The following RICTOR variants were observed in gnomAD, a reference collection of about 807,000 sequenced individuals.
RICTOR encodes the protein RPTOR independent companion of MTOR complex 2, also known as rapamycin-insensitive companion of mTOR.
A neutral mutation model predicts 214.9 loss-of-function variants in RICTOR; 49 were observed. That is an observed-to-expected ratio of 0.23 (90% CI 0.18 to 0.29). The LOEUF (loss-of-function observed/expected upper bound fraction) is 0.29. Ranked by LOEUF, RICTOR falls within the 10% of genes least tolerant of loss-of-function variation. The pLI is 1.00. For missense variants in RICTOR, 1,625 were observed against 2,047.0 expected (o/e 0.79, Z 3.98); for synonymous variants, 717 against 711.3 (o/e 1.01, Z -0.13).
At chr5:39,027,104 A>G (rs1032553870) in intron 2 of RICTOR, among the ~76,000 whole-genome samples, 2 of 152,214 alleles carry the variant, frequency 1.3e-5, no homozygotes, top group African/African-American at 4.8e-5. Flanking sequence ...CAAAATGTCA[A>G]GAGATTTATT....
intron 19 of RICTOR, among the ~76,000 whole-genome samples, chr5:38,961,357 A>G (rs1041930169): frequency 6.6e-6 from 1 of 152,184 alleles, no homozygotes; most frequent in Non-Finnish European, 1.5e-5. Flanking sequence ...TATTGTTAAG[A>G]TAATAATTGT....
chr5:38,956,580 C>T (rs1254099231), intron 25 of RICTOR, among the ~76,000 whole-genome samples: 2 of 152,074 alleles, frequency 1.3e-5, no homozygotes, highest in Non-Finnish European at 2.9e-5. Context: ...AAGACCATTT[C>T]AAGTATCACA....
At chr5:38,995,455 C>A (rs936980165) in intron 6 of RICTOR, among the ~76,000 whole-genome samples, 1 of 151,910 alleles carries the variant, frequency 6.6e-6, no homozygotes, top group Non-Finnish European at 1.5e-5. Context: ...AGATTACATA[C>A]GGGGTACAGT....
At chr5:38,994,505 A>G (rs566866944) in intron 6 of RICTOR, among the ~76,000 whole-genome samples, 160 of 145,044 alleles carry the variant, frequency 1.1e-3, no homozygotes, top group Non-Finnish European at 1.7e-3. Context: ...TGGCCGATAG[A>G]GGCCACTGTT....
At chr5:38,982,741 C>G (rs1196809472) in intron 7 of RICTOR, among the ~76,000 whole-genome samples, 1 of 151,612 alleles carries the variant, frequency 6.6e-6, no homozygotes, top group African/African-American at 2.4e-5. Flanking sequence ...CCTTAACAAC[C>G]TAGGTTAACA....
intron 7 of RICTOR, among the ~76,000 whole-genome samples, chr5:38,987,457 G>A (rs1473496091): frequency 6.6e-6 from 1 of 152,076 alleles, no homozygotes; most frequent in Non-Finnish European, 1.5e-5. Context: ...TATGTGTCCA[G>A]GAATTTATCC....
intron 7 of RICTOR, among the ~76,000 whole-genome samples, chr5:38,985,807 T>C (rs1375517442): frequency 6.6e-6 from 1 of 152,156 alleles, no homozygotes; most frequent in Non-Finnish European, 1.5e-5. Context: ...GCGATTCTCC[T>C]GCTTCAGCCT....
chr5:38,950,630 T>C lies in RICTOR; in HGVS notation c.3218A>G (p.Tyr1073Cys). 6.2e-7 allele frequency: 1 copy of C among 1,612,992 alleles called. No individual in the cohort carries two copies. Among genetic ancestry groups the C allele is most frequent in the Non-Finnish European group, 8.5e-7 (1 of 1,179,292 alleles). Residue 1073 changes from tyrosine to cysteine, a missense_variant, in exon 31 of 38, where the codon TAT becomes TGT. Around this residue, in one of 5 missense-constraint regions of RICTOR, gnomAD observed 1,214 missense variants for 1,470.5 expected, o/e 0.83. Coordinates refer to ENST00000357387, the MANE Select transcript of RICTOR (RefSeq NM_152756.5). ...DINEDTEPTF[Y>C]DRSGPIKDKN... is the part of the protein sequence containing the mutation. ...ATCCTTTATGGGTCCAGATCGGTCA[T>C]AAAATGTTGGCTCTGTATCTTCATT...
Position 38,939,757 on chromosome 5 carries a change from T to C in RICTOR, c.*2547A>G, listed in dbSNP as rs1018180235. ...CCTAAAATCTTTAAAAACTACAGTA[T>C]TGACATTATTTTGGTATTCTATAGT... On this transcript the variant is annotated 3_prime_UTR_variant, in exon 38 of 38. Coordinates refer to ENST00000357387, the MANE Select transcript of RICTOR (RefSeq NM_152756.5). The C allele has an allele frequency of 4.4e-6, 1 of 227,986 alleles. No homozygotes were observed. The highest frequency in any genetic ancestry group is 6.4e-5 in the East Asian group (1 of 15,608). The allele number at this position is 227,986 out of a possible 1,614,324, so 14.1% of individuals were successfully genotyped here.
chr5:39,074,001 C>G, intron 2 of RICTOR, 110 bp downstream of exon 2: 2 of 684,512 alleles, frequency 2.9e-6, no homozygotes, highest in Non-Finnish European at 3.9e-6. Flanking sequence ...CTCTGGCCCC[C>G]GCACCCCGCC....
At chr5:39,001,008 G>A (rs1013793576) in intron 5 of RICTOR, among the ~76,000 whole-genome samples, 2 of 151,966 alleles carry the variant, frequency 1.3e-5, no homozygotes, top group Non-Finnish European at 2.9e-5. Flanking sequence ...AGAAAATTCA[G>A]TATGAAGATG....
chr5:38,992,276 G>A (rs561825199), intron 6 of RICTOR, among the ~76,000 whole-genome samples: 19 of 152,250 alleles, frequency 1.2e-4, no homozygotes, highest in African/African-American at 4.3e-4. Flanking sequence ...GGAGAAGGAA[G>A]GAGGTATAGG....
chr5:39,073,170 A>T (rs1194468291), intron 2 of RICTOR, among the ~76,000 whole-genome samples: 1 of 152,220 alleles, frequency 6.6e-6, no homozygotes, highest in Non-Finnish European at 1.5e-5. Flanking sequence ...TAGACCTCAG[A>T]AACTGATTCT....
At chr5:39,021,267 G>A (rs13177690) in intron 2 of RICTOR, 131 bp from the exon 3 acceptor site, 394,064 of 641,784 alleles carry the variant, frequency 0.61, 122,150 homozygotes, top group African/African-American at 0.65. Context: ...CCCCAAATCT[G>A]TTAATTTAAA....
intron 2 of RICTOR, among the ~76,000 whole-genome samples, chr5:39,065,988 T>C (rs959924043): frequency 1.3e-5 from 2 of 152,236 alleles, no homozygotes; most frequent in Non-Finnish European, 2.9e-5. Flanking sequence ...AGGCCCCTTC[T>C]CACAGCTCCA....
At chr5:38,967,081 G>T in intron 14 of RICTOR, 80 bp downstream of exon 14, 1 of 1,110,910 alleles carries the variant, frequency 9.0e-7, no homozygotes, top group African/African-American at 1.5e-5. Context: ...GATTACAGGC[G>T]TGAGTCACCA....
chr5:39,005,790 G>A (rs1754008006), intron 3 of RICTOR, among the ~76,000 whole-genome samples: 1 of 152,202 alleles, frequency 6.6e-6, no homozygotes, highest in South Asian at 2.1e-4. Flanking sequence ...ACTAGATGGT[G>A]TTGAGTCCAC....
intron 6 of RICTOR, among the ~76,000 whole-genome samples, chr5:38,993,597 C>CA (rs995663761): frequency 1.3e-5 from 2 of 151,716 alleles, no homozygotes; most frequent in African/African-American, 4.8e-5. Flanking sequence ...TATCCTAAAG[C>CA]AAAAAATGTT....
Position 38,944,935 on chromosome 5 carries a change from G to C in RICTOR, c.4767C>G (p.Thr1589=), listed in dbSNP as rs1748008637. 3 of 1,613,800 alleles carry C rather than the reference G, an allele frequency of 1.9e-6. No individual in the cohort carries two copies. The highest frequency in any genetic ancestry group is 2.5e-6 in the Non-Finnish European group (3 of 1,179,920). The change falls in exon 35 of 38, where the codon ACC becomes ACG. Residue 1589 remains threonine (T), a synonymous_variant. Transcript: ENST00000357387. ...CACCTAGTAACAATTCTGTGCTTTT[G>C]GTGCTGCTAGCTGAGCCTTCTTGAG... The part of the protein sequence containing the change: ...GVSQEGSASS[T]KSTELLLGVK...
Sources: gnomAD v4.1 joint callset for allele counts (sites outside exome capture counted in the v4.1 genomes callset) on GRCh38, gnomAD v4.1.1 for gene constraint, gnomAD v4.1.1 regional missense constraint, MANE v1.5 for transcripts, NCBI Gene and HGNC (gene_info 2026-07-23, HGNC 2026-07-21) for gene names.